Variants in SPATA6 observed in about 807,000 individuals in gnomAD.
The protein encoded by SPATA6 is spermatogenesis-associated protein 6.
In SPATA6, 56 loss-of-function variants were observed where a neutral mutation model predicts 65.3. The observed-to-expected ratio is 0.86, with a 90% CI of 0.69 to 1.07. The LOEUF (loss-of-function observed/expected upper bound fraction) is 1.07, where lower values mean the gene tolerates loss of function less well. Ranked by LOEUF, SPATA6 falls within the 50% of genes least tolerant of loss-of-function variation. The probability of loss-of-function intolerance (pLI) is 0.00; values close to 1 mark genes in which losing one functional copy is unlikely to be tolerated. For missense variants in SPATA6, 590 were observed against 594.8 expected (o/e 0.99, Z 0.08); for synonymous variants, 199 against 213.2 (o/e 0.93, Z 0.58).
intron 3 of SPATA6, chr1:48,435,825 C>T (rs1557706719): frequency 1.1e-6 from 1 of 931,514 alleles, no homozygotes; most frequent in Non-Finnish European, 1.7e-6. Flanking sequence ...CCCCTGTCCG[C>T]ACCGCTGGCA....
the SPATA6 span, among the ~76,000 whole-genome samples, chr1:48,276,392 C>A: frequency 6.6e-6 from 1 of 151,830 alleles, no homozygotes; most frequent in Non-Finnish European, 1.5e-5. Flanking sequence ...AATTTGTTTG[C>A]TCTTGGTTCT....
chr1:48,335,362 A>C (rs1246114580), intron 11 of SPATA6, among the ~76,000 whole-genome samples: 1 of 151,794 alleles, frequency 6.6e-6, no homozygotes, highest in Admixed American at 6.6e-5. Context: ...AAAAAGCTGG[A>C]GGAATCACAT....
chr1:48,424,853 A>T (rs952532128), intron 3 of SPATA6, among the ~76,000 whole-genome samples: 1 of 152,094 alleles, frequency 6.6e-6, no homozygotes, highest in Non-Finnish European at 1.5e-5. Flanking sequence ...ATTTTCCTAT[A>T]GAGTTGTTTG....
At chr1:48,462,806 T>C (rs1657547401) in intron 1 of SPATA6, among the ~76,000 whole-genome samples, 1 of 152,230 alleles carries the variant, frequency 6.6e-6, no homozygotes, top group Non-Finnish European at 1.5e-5. Context: ...GGTTAAGGGA[T>C]ACGTGAGTAG....
chr1:48,462,937 G>A (rs1364406431), intron 1 of SPATA6, among the ~76,000 whole-genome samples: 2 of 152,220 alleles, frequency 1.3e-5, no homozygotes, highest in African/African-American at 2.4e-5. Flanking sequence ...TATACCATCT[G>A]TTGAGTGCAA....
chr1:48,298,381 C>CA lies in SPATA6; in HGVS notation c.*331dup, dbSNP rs1018802817. On this transcript the variant is annotated 3_prime_UTR_variant, in exon 13 of 13. Transcript: ENST00000371847. ...GAAGAAAATTGCAAGGTGAGTAAGG[C>CA]AAAAAAAACATTTCTAGAAAGGAAC... The CA allele has an allele frequency of 1.3e-4, 21 of 167,750 alleles. No homozygotes were observed. The highest frequency in any genetic ancestry group is 3.2e-4 in the East Asian group (2 of 6,164). The allele number at this position is 167,750 out of a possible 1,614,324, so 10.4% of individuals were successfully genotyped here. A position where few individuals can be genotyped will look rare whatever the true frequency, so the allele number is the denominator to read the frequency against.
intron 9 of SPATA6, among the ~76,000 whole-genome samples, chr1:48,379,662 T>C (rs1417176714): frequency 6.6e-6 from 1 of 152,222 alleles, no homozygotes; most frequent in African/African-American, 2.4e-5. Context: ...ATACCTTATA[T>C]GGTAGTATTT....
chr1:48,409,259 T>C (rs183291676), intron 5 of SPATA6, among the ~76,000 whole-genome samples: 54 of 152,282 alleles, frequency 3.5e-4, no homozygotes, highest in African/African-American at 1.3e-3. Flanking sequence ...AGCAGGGCAA[T>C]CAAATCTTAA....
the SPATA6 span, among the ~76,000 whole-genome samples, chr1:48,279,932 G>A: frequency 6.6e-6 from 1 of 152,308 alleles, no homozygotes; most frequent in East Asian, 1.9e-4. Context: ...ATAGTTGGAA[G>A]TAAAGCACTC....
At chr1:48,437,143 A>G (rs1393453435) in intron 3 of SPATA6, 4 of 1,602,942 alleles carry the variant, frequency 2.5e-6, no homozygotes, top group East Asian at 2.2e-5. Context: ...CAAGCCATCA[A>G]TACCATTGCC....
At chr1:48,413,890 A>G (rs1354441787) in intron 3 of SPATA6, among the ~76,000 whole-genome samples, 1 of 152,226 alleles carries the variant, frequency 6.6e-6, no homozygotes, top group Non-Finnish European at 1.5e-5. Context: ...TATTAAGAAA[A>G]TCCTAAGGAT....
At position 48,472,117 on chromosome 1, in the gene SPATA6, G is replaced by A. The variant is rs1446393827; in HGVS notation, c.-109C>T. 1.2e-6 allele frequency: 1 copy of A among 868,304 alleles called. No homozygotes were observed. 53.8% of individuals were successfully genotyped at this position (868,304 alleles called of 1,614,324 possible). A position where few individuals can be genotyped will look rare whatever the true frequency, so the allele number is the denominator to read the frequency against. On this transcript the variant is annotated 5_prime_UTR_variant, in exon 1 of 13. Coordinates refer to ENST00000371847, the MANE Select transcript of SPATA6 (RefSeq NM_019073.4). ...AGGAGACGAGGTGGCGGCGGCGGTG[G>A]CAGCAGTGGCCCCCAGGCCGGGGCC...
chr1:48,347,190 C>G (rs1342336161), intron 11 of SPATA6, among the ~76,000 whole-genome samples: 2 of 151,580 alleles, frequency 1.3e-5, no homozygotes, highest in African/African-American at 4.8e-5. Context: ...ATTTTTGACA[C>G]ATCTGAGAAA....
intron 9 of SPATA6, among the ~76,000 whole-genome samples, chr1:48,382,443 CG>C (rs1354823206): frequency 7.2e-5 from 10 of 139,674 alleles, no homozygotes; most frequent in African/African-American, 2.8e-4. Context: ...CTGGATAGGG[CG>C]GCTGGCTGGG....
intron 11 of SPATA6, among the ~76,000 whole-genome samples, chr1:48,330,961 G>T (rs754876661): frequency 1.9e-4 from 29 of 152,190 alleles, no homozygotes; most frequent in Admixed American, 7.9e-4. Context: ...GACAGTAATT[G>T]CAGAGGGGGC....
At chr1:48,379,042 G>C (rs1342872538) in intron 9 of SPATA6, among the ~76,000 whole-genome samples, 1 of 152,168 alleles carries the variant, frequency 6.6e-6, no homozygotes, top group Non-Finnish European at 1.5e-5. Context: ...ACATTAGTCT[G>C]TTTTCACACT....
intron 3 of SPATA6, among the ~76,000 whole-genome samples, chr1:48,425,744 TTTAA>T (rs1653776634): frequency 1.3e-5 from 2 of 152,136 alleles, no homozygotes; most frequent in South Asian, 2.1e-4. Context: ...AATCGTATTG[TTTAA>T]TTAGAGATTA....
the SPATA6 span, among the ~76,000 whole-genome samples, chr1:48,267,752 GTTTTTT>G: frequency 5.5e-5 from 4 of 72,676 alleles, no homozygotes; most frequent in Admixed American, 4.5e-4. Flanking sequence ...TAGGGTCTGG[GTTTTTT>G]TTTTTTTTTT....
At chr1:48,460,326 T>C (rs1447463700) in intron 1 of SPATA6, among the ~76,000 whole-genome samples, 1 of 152,192 alleles carries the variant, frequency 6.6e-6, no homozygotes, top group Non-Finnish European at 1.5e-5. Flanking sequence ...TTTTAATTAA[T>C]TTTCTGTTTG....
Sources: allele counts gnomAD v4.1 joint callset (sites outside exome capture counted in the v4.1 genomes callset), GRCh38; gene constraint gnomAD v4.1.1; transcripts MANE v1.5; gene names NCBI Gene and HGNC (gene_info 2026-07-23, HGNC 2026-07-21).